Variants in NRG3 observed in about 807,000 individuals in gnomAD.
The protein encoded by NRG3 is pro-neuregulin-3, membrane-bound isoform.
In NRG3, 31 loss-of-function variants were observed where a neutral mutation model predicts 66.9. The ratio of observed to expected loss-of-function variants is 0.46; its 90% confidence interval spans 0.35 to 0.63. The LOEUF (loss-of-function observed/expected upper bound fraction) is 0.63, where lower values mean the gene tolerates loss of function less well. NRG3 is among the 20% of genes least tolerant of loss of function. The pLI, the probability that NRG3 is intolerant of heterozygous loss-of-function variation, is 0.00. For synonymous variants in NRG3, 393 were observed against 359.4 expected, an observed-to-expected ratio of 1.09 and a Z score of -1.06; for missense variants, 910 against 878.9, an observed-to-expected ratio of 1.04 and a Z score of -0.45.
At chr10:82,914,655 G>A (rs1306469645) in intron 4 of NRG3, among the ~76,000 whole-genome samples, 2 of 152,030 alleles carry the variant, frequency 1.3e-5, no homozygotes, top group African/African-American at 2.4e-5. Flanking sequence ...GGTAAGGTGT[G>A]CAGGAAAGAA....
At chr10:82,384,975 G>T (rs906268636) in intron 2 of NRG3, among the ~76,000 whole-genome samples, 8 of 152,056 alleles carry the variant, frequency 5.3e-5, no homozygotes, top group Admixed American at 3.3e-4. Flanking sequence ...CCATTCTCCA[G>T]CATCTGTTGT....
At chr10:81,923,343 C>G (rs1390361787) in intron 1 of NRG3, among the ~76,000 whole-genome samples, 1 of 151,796 alleles carries the variant, frequency 6.6e-6, no homozygotes, top group Non-Finnish European at 1.5e-5. Flanking sequence ...GTAGCTGGGA[C>G]TACAGGCGCC....
chr10:82,089,274 C>CAGTATA (rs1461021080), intron 1 of NRG3, among the ~76,000 whole-genome samples: 33 of 151,768 alleles, frequency 2.2e-4, no homozygotes, highest in African/African-American at 7.3e-4. Flanking sequence ...AGTGGCCTTT[C>CAGTATA]TTACATTTTG....
chr10:81,946,771 T>A (rs776817770), intron 1 of NRG3, among the ~76,000 whole-genome samples: 3 of 152,180 alleles, frequency 2.0e-5, no homozygotes, highest in Non-Finnish European at 4.4e-5. Flanking sequence ...ATTACCATAG[T>A]CTCTCATGCT....
intron 3 of NRG3, among the ~76,000 whole-genome samples, chr10:82,754,706 C>A (rs955878772): frequency 6.6e-6 from 1 of 152,088 alleles, no homozygotes; most frequent in Non-Finnish European, 1.5e-5. Context: ...CAATCCTGTT[C>A]TATGTAGCTT....
chr10:82,566,083 A>G (rs1197974225), intron 2 of NRG3, among the ~76,000 whole-genome samples: 1 of 152,048 alleles, frequency 6.6e-6, no homozygotes, highest in Admixed American at 6.6e-5. Flanking sequence ...AAAATAGGAT[A>G]ATGCATGCAA....
intron 4 of NRG3, among the ~76,000 whole-genome samples, chr10:82,908,503 ATTTAT>A (rs1564621610): frequency 1.4e-4 from 21 of 152,318 alleles, no homozygotes; most frequent in African/African-American, 4.8e-4. Context: ...GCAACTGGTG[ATTTAT>A]GGCTGCAAAT....
intron 2 of NRG3, among the ~76,000 whole-genome samples, chr10:82,584,603 T>C (rs2046555520): frequency 6.6e-6 from 1 of 152,240 alleles, no homozygotes; most frequent in Non-Finnish European, 1.5e-5. Context: ...TGAATATTTT[T>C]ATTTTTCCAC....
rs371721060 is a variant in NRG3 at position 82,349,713 on chromosome 10, G to C, written c.824-9026G>C. Among the ~76,000 whole-genome samples, 239 of 152,110 alleles carry C rather than the reference G, an allele frequency of 1.6e-3. 1 individual carries two copies. Among genetic ancestry groups the C allele is most frequent in the South Asian group, 9.2e-3 (44 of 4,796 alleles). ...CTCAGACTGCTGTGCTAGCAATCAG[G>C]GAGACTCCGTGGGCGTAGGACCCTC... On this transcript the variant is annotated intron_variant, in intron 1 of 8. Coordinates refer to ENST00000372141, the MANE Select transcript of NRG3 (RefSeq NM_001010848.4).
chr10:82,135,792 C>A (rs775601400), intron 1 of NRG3, among the ~76,000 whole-genome samples: 10 of 152,028 alleles, frequency 6.6e-5, no homozygotes, highest in Admixed American at 1.3e-4. Flanking sequence ...ATTTTGAATT[C>A]TCTGTCTGAA....
intron 1 of NRG3, among the ~76,000 whole-genome samples, chr10:82,009,915 C>T (rs190729234): frequency 6.6e-6 from 1 of 152,252 alleles, no homozygotes; most frequent in East Asian, 1.9e-4. Flanking sequence ...GTCATGCCAC[C>T]AATATGTGAG....
At position 82,676,773 on chromosome 10, in the gene NRG3, C is replaced by T. The variant is rs578179685; in HGVS notation, c.954-61804C>T. ...GCTGGATTACAGGCCGGAGCCATGGCGCCCAGCCTCTATTTGTTATTCTCT... is the reference window on the plus strand; with the variant it reads ...GCTGGATTACAGGCCGGAGCCATGGTGCCCAGCCTCTATTTGTTATTCTCT... On this transcript the variant is annotated intron_variant, in intron 2 of 8. Coordinates refer to ENST00000372141, the MANE Select transcript of NRG3 (RefSeq NM_001010848.4). Among the ~76,000 whole-genome samples, 12 of 152,154 alleles carry T rather than the reference C, an allele frequency of 7.9e-5. No homozygotes were observed. In the South Asian group the frequency reaches 1.5e-3, roughly 18 times the overall value.
At chr10:82,851,545 T>C (rs1035310787) in intron 3 of NRG3, among the ~76,000 whole-genome samples, 1 of 152,216 alleles carries the variant, frequency 6.6e-6, no homozygotes, top group Non-Finnish European at 1.5e-5. Context: ...GTCTATACCA[T>C]GAAATCTGTT....
chr10:82,640,852 G>T (rs1297575383), intron 2 of NRG3, among the ~76,000 whole-genome samples: 1 of 151,912 alleles, frequency 6.6e-6, no homozygotes, highest in South Asian at 2.1e-4. Flanking sequence ...TGCCTCATAG[G>T]CCTATTATTT....
intron 4 of NRG3, among the ~76,000 whole-genome samples, chr10:82,878,046 G>A (rs1003359592): frequency 6.6e-6 from 1 of 152,112 alleles, no homozygotes; most frequent in Non-Finnish European, 1.5e-5. Context: ...AGAGGAAGGA[G>A]CACCCACATA....
intron 1 of NRG3, among the ~76,000 whole-genome samples, chr10:82,021,032 T>C (rs2062034829): frequency 1.3e-5 from 2 of 152,034 alleles, no homozygotes; most frequent in South Asian, 4.1e-4. Flanking sequence ...AGTGGAGATG[T>C]GTGTGGTTCC....
rs1187296467 is a variant in NRG3 at position 82,525,957 on chromosome 10, T to A, written c.953+167089T>A. Among the ~76,000 whole-genome samples the A allele has an allele frequency of 2.0e-5, 3 of 152,004 alleles. No individual in the cohort carries two copies. The East Asian group carries it at 5.8e-4, about 29-fold the overall frequency. On this transcript the variant is annotated intron_variant, in intron 2 of 8. Transcript: ENST00000372141. ...GATGAATTAAATGGCAGATTAGATG[T>A]AACTAAAGAGACAGCCAGGAAGAAA...
chr10:82,338,586 T>G (rs1480725240), intron 1 of NRG3, among the ~76,000 whole-genome samples: 1 of 152,178 alleles, frequency 6.6e-6, no homozygotes, highest in Non-Finnish European at 1.5e-5. Context: ...CCATGATAGA[T>G]TGTTAAATAA....
In NRG3 at chr10:82,689,382, T is replaced by C. The variant is rs78818978; in HGVS notation, c.954-49195T>C. On this transcript the variant is annotated intron_variant, in intron 2 of 8. Transcript: ENST00000372141. ...GCACACACTAGTAGAATAAATTCAG[T>C]TGGTTTCCATTCCTCTGTCAGTTAG... Among the ~76,000 whole-genome samples the C allele has an allele frequency of 3.8e-3, 577 of 152,266 alleles. 3 individuals are homozygous for C. Among genetic ancestry groups the C allele is most frequent in the African/African-American group, 0.012 (510 of 41,570 alleles).
Sources: gnomAD v4.1 joint callset for allele counts (sites outside exome capture counted in the v4.1 genomes callset) on GRCh38, gnomAD v4.1.1 for gene constraint, MANE v1.5 for transcripts, NCBI Gene and HGNC (gene_info 2026-07-23, HGNC 2026-07-21) for gene names.